CERCAM: variants seen among roughly 807,000 people sequenced by gnomAD.
CERCAM encodes the protein inactive glycosyltransferase 25 family member 3.
In CERCAM, 59 loss-of-function variants were observed where a neutral mutation model predicts 66.0. The observed-to-expected ratio is 0.89, with a 90% CI of 0.73 to 1.11. CERCAM has a LOEUF of 1.11. CERCAM is among the 50% of genes most tolerant of loss of function. The pLI is 0.00. For synonymous variants in CERCAM, 318 were observed against 343.6 expected (o/e 0.93, Z 0.83); for missense variants, 840 against 828.3 (o/e 1.01, Z -0.17).
At chr9:128,435,973 A>T in intron 12 of CERCAM, 68 bp downstream of exon 12, 2 of 1,474,128 alleles carry the variant, frequency 1.4e-6, no homozygotes, top group African/African-American at 2.8e-5. Context: ...TGATGGCATA[A>T]CTGTGTCTGG....
At chr9:128,432,380 CTTT>C (rs1269523487) in intron 9 of CERCAM, among the ~76,000 whole-genome samples, 4 of 118,272 alleles carry the variant, frequency 3.4e-5, no homozygotes, top group Non-Finnish European at 3.5e-5. Context: ...TGGTTCACTA[CTTT>C]TTTTTTTTTT....
chr9:128,433,154 C>T (rs547258236), intron 9 of CERCAM, among the ~76,000 whole-genome samples: 10 of 152,082 alleles, frequency 6.6e-5, no homozygotes, highest in Admixed American at 1.3e-4. Context: ...GTGGCGGCGC[C>T]TGTAGTCCCA....
intron 2 of CERCAM, 41 bp from the exon 3 acceptor site, chr9:128,423,105 G>T: frequency 6.2e-7 from 1 of 1,600,644 alleles, no homozygotes; most frequent in Non-Finnish European, 8.6e-7. Context: ...GAGAGGGAGG[G>T]GCATGTACCC....
chr9:128,432,173 G>A (rs1013645495), intron 9 of CERCAM, among the ~76,000 whole-genome samples: 5 of 152,022 alleles, frequency 3.3e-5, no homozygotes, highest in African/African-American at 1.2e-4. Context: ...TTACAGGCAT[G>A]TGCCACCACA....
Position 128,434,736 on chromosome 9 carries a change from A to T in CERCAM, c.1535+123A>T. 1.0e-6 allele frequency: 1 copy of T among 957,966 alleles called. No homozygotes were observed. Among genetic ancestry groups the T allele is most frequent in the Non-Finnish European group, 1.5e-6 (1 of 648,924 alleles). 59.3% of individuals were successfully genotyped at this position (957,966 alleles called of 1,614,324 possible). ...AGACTGGGACTGGCAAGGCCAAGCC[A>T]CTTGGCCCAGGTCACCAAGGAGTGG... On this transcript the variant is annotated intron_variant, in intron 11 of 12. Coordinates refer to ENST00000372838, the MANE Select transcript of CERCAM (RefSeq NM_016174.5). This position sits in a 1 kb window ranked among gnomAD's most constrained non-coding sequence, Gnocchi z 4.5.
chr9:128,430,923 C>T (rs902957646), intron 8 of CERCAM: 6 of 370,774 alleles, frequency 1.6e-5, no homozygotes, highest in African/African-American at 1.1e-4. Context: ...GCAGGAAAAT[C>T]ACTTGAACCT....
chr9:128,430,129 G>A (rs898067132), intron 8 of CERCAM, among the ~76,000 whole-genome samples: 6 of 152,060 alleles, frequency 3.9e-5, no homozygotes, highest in Admixed American at 1.3e-4. Flanking sequence ...GACTGGGCAC[G>A]GTGGCTCATG....
chr9:128,426,358 C>G (rs559985795), intron 5 of CERCAM, among the ~76,000 whole-genome samples: 2 of 152,140 alleles, frequency 1.3e-5, no homozygotes, highest in South Asian at 4.1e-4. Flanking sequence ...GGTGCGGTGG[C>G]TCACGCCTGT....
At chr9:128,424,083 C>T (rs200631865) in intron 3 of CERCAM, 55 bp from the exon 4 acceptor site, 5 of 1,590,218 alleles carry the variant, frequency 3.1e-6, no homozygotes, top group Non-Finnish European at 4.3e-6. Context: ...CAGTGAACTC[C>T]TTGGGGGGCT....
chr9:128,428,622 C>A, intron 6 of CERCAM, 135 bp from the exon 7 acceptor site: 1 of 1,127,830 alleles, frequency 8.9e-7, no homozygotes, highest in Non-Finnish European at 1.3e-6. Flanking sequence ...CAGGTGGATC[C>A]TGTGATCTCT....
In CERCAM at chr9:128,436,863, TGCAAA is replaced by T. The variant is rs1834125514; in HGVS notation, c.*19_*23del. ...TGTCCCACCAGGTCCAGGTGATGAC[TGCAAA>T]GCAGTGTCCAGGAGCAGGCCACTAC... is the stretch of plus-strand genomic sequence containing the variant. On this transcript the variant is annotated 3_prime_UTR_variant, in exon 13 of 13. Coordinates refer to ENST00000372838, the MANE Select transcript of CERCAM (RefSeq NM_016174.5). The T allele has an allele frequency of 6.6e-6, 1 of 152,332 alleles. No homozygotes were observed. The highest frequency in any genetic ancestry group is 6.5e-5 in the Admixed American group (1 of 15,272). 9.4% of individuals were successfully genotyped at this position (152,332 alleles called of 1,614,324 possible).
At position 128,435,848 on chromosome 9, in the gene CERCAM, GGACCT is replaced by G. The variant is rs1359902351; in HGVS notation, c.1735_1739del (p.Leu579TrpfsTer14). The G allele has an allele frequency of 1.2e-6, 2 of 1,610,132 alleles. No homozygotes were observed. ...AAAAGACCCTGCGCAGCCCCCGCCTGGACCTGACTGGCAGCAGCGGGCACAGCCTC... is the reference window on the plus strand; with the variant it reads ...AAAAGACCCTGCGCAGCCCCCGCCTGGACTGGCAGCAGCGGGCACAGCCTC... On this transcript the variant is annotated frameshift_variant, in exon 12 of 13. Coordinates refer to ENST00000372838, the MANE Select transcript of CERCAM (RefSeq NM_016174.5). LOFTEE classifies it high-confidence loss of function.
rs753149546 is a variant in CERCAM, at chr9:128,428,916, C to T, written c.964-14C>T. 14 of 1,607,374 alleles carry T rather than the reference C, an allele frequency of 8.7e-6. No homozygotes were observed. The highest frequency in any genetic ancestry group is 6.6e-5 in the South Asian group (6 of 90,364). On this transcript the variant is annotated splice_polypyrimidine_tract_variant and intron_variant, in intron 7 of 12. Transcript: ENST00000372838. ...CTCCCTTGCACTTACCGCCCACCCCCCTGCCTCCTCCAGGTCTTTGTCATC... is the reference window on the plus strand; with the variant it reads ...CTCCCTTGCACTTACCGCCCACCCCTCTGCCTCCTCCAGGTCTTTGTCATC...
chr9:128,423,630 A>G (rs1833766419), intron 3 of CERCAM, among the ~76,000 whole-genome samples: 1 of 151,906 alleles, frequency 6.6e-6, no homozygotes, highest in Non-Finnish European at 1.5e-5. Context: ...AAAAAAAAAA[A>G]AAAGAAAAAG....
intron 12 of CERCAM, 114 bp downstream of exon 12, chr9:128,436,019 T>C: frequency 1.8e-6 from 2 of 1,140,866 alleles, no homozygotes; most frequent in Non-Finnish European, 2.4e-6. Context: ...TCTCTCCCTC[T>C]CCATCTCTAG....
At chr9:128,425,073 T>G (rs556600647) in intron 5 of CERCAM, among the ~76,000 whole-genome samples, 10 of 149,640 alleles carry the variant, frequency 6.7e-5, no homozygotes, top group Non-Finnish European at 1.2e-4. Flanking sequence ...TGTTGTTGTT[T>G]TTGGGACAGA....
In CERCAM at chr9:128,434,355, G is replaced by T. The variant is rs1834055491; in HGVS notation, c.1332-55G>T. On this transcript the variant is annotated intron_variant, in intron 10 of 12. Coordinates refer to ENST00000372838, the MANE Select transcript of CERCAM (RefSeq NM_016174.5). This position sits in a 1 kb window ranked among gnomAD's most constrained non-coding sequence, Gnocchi z 4.5. ...GCCCTGTAGGAGCGGGTGTGGGAGGGTCCCATGACACCCAGGACCTAAGTG... is the reference window on the plus strand; with the variant it reads ...GCCCTGTAGGAGCGGGTGTGGGAGGTTCCCATGACACCCAGGACCTAAGTG... 1.2e-6 allele frequency: 2 copies of T among 1,606,506 alleles called. No individual in the cohort carries two copies. Among genetic ancestry groups the T allele is most frequent in the African/African-American group, 1.3e-5 (1 of 74,850 alleles).
Position 128,424,969 on chromosome 9 carries a change from C to T in CERCAM, c.766+355C>T, listed in dbSNP as rs550553357. Among the ~76,000 whole-genome samples the T allele has an allele frequency of 3.0e-3, 461 of 151,916 alleles. 1 individual carries two copies. Among genetic ancestry groups the T allele is most frequent in the African/African-American group, 7.3e-3 (302 of 41,434 alleles). ...AACTCCTGAGCTCAGGTGATCCACC[C>T]GCCTCGGCCTCCCAAAGTACTGGCA... On this transcript the variant is annotated intron_variant, in intron 5 of 12. Transcript: ENST00000372838.
At chr9:128,433,645 A>G (rs1441136697) in intron 9 of CERCAM, among the ~76,000 whole-genome samples, 1 of 152,160 alleles carries the variant, frequency 6.6e-6, no homozygotes, top group Non-Finnish European at 1.5e-5. Context: ...CGTCTCAAAA[A>G]AAAAGGAAAA....
Sources: gnomAD v4.1 joint callset for allele counts (sites outside exome capture counted in the v4.1 genomes callset) on GRCh38, gnomAD v4.1.1 for gene constraint, Gnocchi (gnomAD v3.1) non-coding constraint, MANE v1.5 for transcripts, NCBI Gene and HGNC (gene_info 2026-07-23, HGNC 2026-07-21) for gene names.